IFT43: variants seen among roughly 807,000 people sequenced by gnomAD.
The protein encoded by IFT43 is intraflagellar transport protein 43 homolog.
Under a neutral mutation model 32.3 loss-of-function variants are expected in IFT43, and 33 were observed. The ratio of observed to expected loss-of-function variants is 1.02; its 90% CI spans 0.77 to 1.37. The LOEUF (loss-of-function observed/expected upper bound fraction) is 1.37, where lower values mean the gene tolerates loss of function less well. Ranked by LOEUF, IFT43 falls within the 40% of genes most tolerant of loss-of-function variation. The pLI is 0.00. For synonymous variants in IFT43, 93 were observed against 98.2 expected (o/e 0.95, Z 0.31); for missense variants, 274 against 265.9 (o/e 1.03, Z -0.21).
At chr14:76,016,569 G>T (rs2036192392) in intron 2 of IFT43, among the ~76,000 whole-genome samples, 1 of 151,994 alleles carries the variant, frequency 6.6e-6, no homozygotes, top group Non-Finnish European at 1.5e-5. Context: ...AAATTTTAGG[G>T]TTGTTTTTTC....
intron 2 of IFT43, among the ~76,000 whole-genome samples, chr14:76,018,450 T>C (rs1197912204): frequency 1.3e-5 from 2 of 152,140 alleles, no homozygotes; most frequent in East Asian, 1.9e-4. Context: ...TTTCTTGACA[T>C]TTGTTTTGTG....
chr14:76,036,959 C>G (rs2036612143), intron 3 of IFT43, among the ~76,000 whole-genome samples: 1 of 151,554 alleles, frequency 6.6e-6, no homozygotes, highest in South Asian at 2.1e-4. Context: ...TCCCGATTAG[C>G]TAGGACAGGT....
intron 5 of IFT43, chr14:76,076,502 G>A (rs1485443974): frequency 1.3e-6 from 2 of 1,562,480 alleles, no homozygotes; most frequent in African/African-American, 1.4e-5. Context: ...CTCCCTGCTG[G>A]AGTTAGATTT....
intron 5 of IFT43, among the ~76,000 whole-genome samples, chr14:76,062,551 A>G (rs188778295): frequency 6.6e-6 from 1 of 152,338 alleles, no homozygotes; most frequent in African/African-American, 2.4e-5. Flanking sequence ...AAAATATCAT[A>G]ATCCATAACC....
chr14:75,996,299 C>T (rs1015584145), intron 2 of IFT43, among the ~76,000 whole-genome samples: 2 of 152,114 alleles, frequency 1.3e-5, no homozygotes, highest in Non-Finnish European at 1.5e-5. Flanking sequence ...GTGTGTATCC[C>T]GGGTGTGTTA....
chr14:76,058,956 A>G (rs2037078284), intron 4 of IFT43: 2 of 1,437,476 alleles, frequency 1.4e-6, no homozygotes, highest in African/African-American at 1.4e-5. Flanking sequence ...CATTATTGAT[A>G]TAGATGGGCA....
intron 2 of IFT43, among the ~76,000 whole-genome samples, chr14:75,991,561 C>T (rs931744182): frequency 3.3e-5 from 5 of 151,990 alleles, no homozygotes; most frequent in African/African-American, 1.2e-4. Flanking sequence ...AAATCAGCTC[C>T]TAGGCTGGGG....
intron 2 of IFT43, among the ~76,000 whole-genome samples, chr14:76,017,990 CA>C (rs2036220955): frequency 6.6e-6 from 1 of 151,700 alleles, no homozygotes; most frequent in African/African-American, 2.4e-5. Flanking sequence ...TTTATCTTTT[CA>C]AAAAACTATC....
chr14:76,054,304 A>G (rs17783330), intron 3 of IFT43, among the ~76,000 whole-genome samples: 49,507 of 152,100 alleles, frequency 0.33, 8,093 homozygotes, highest in Admixed American at 0.35. Flanking sequence ...CGTGCCTTCC[A>G]TAAGGAGAGG....
At chr14:76,046,629 CTG>C (rs1297558062) in intron 3 of IFT43, among the ~76,000 whole-genome samples, 1 of 152,224 alleles carries the variant, frequency 6.6e-6, no homozygotes, top group African/African-American at 2.4e-5. Context: ...GCAACAGCCA[CTG>C]TTCACCGAGC....
In IFT43 at chr14:76,024,034, C is replaced by T. The variant is rs140115650; in HGVS notation, c.215+1640C>T. Reference sequence around the variant, plus strand: ...CACTAGAGACAGAAACTAAAAACTACGGGTTCAGGCTGCTAAAAGCCTAAA... The same window carrying T: ...CACTAGAGACAGAAACTAAAAACTATGGGTTCAGGCTGCTAAAAGCCTAAA... On this transcript the variant is annotated intron_variant, in intron 3 of 8. Transcript: ENST00000314067. 4.5e-3 allele frequency among the ~76,000 whole-genome samples: 689 copies of T among 152,232 alleles called. 5 individuals carry two copies. Among genetic ancestry groups the T allele is most frequent in the African/African-American group, 0.013 (552 of 41,548 alleles).
intron 5 of IFT43, among the ~76,000 whole-genome samples, chr14:76,059,783 T>A (rs1026530776): frequency 3.3e-5 from 5 of 152,216 alleles, no homozygotes; most frequent in Non-Finnish European, 7.3e-5. Flanking sequence ...TTAAAGCATT[T>A]TCTCTCACCA....
At chr14:76,011,125 G>T (rs1475789474) in intron 2 of IFT43, among the ~76,000 whole-genome samples, 1 of 151,934 alleles carries the variant, frequency 6.6e-6, no homozygotes, top group Non-Finnish European at 1.5e-5. Context: ...GCCCAGGCTG[G>T]TCTTGAACTT....
At chr14:76,000,890 T>C (rs986712877) in intron 2 of IFT43, among the ~76,000 whole-genome samples, 13 of 152,162 alleles carry the variant, frequency 8.5e-5, no homozygotes, top group African/African-American at 2.9e-4. Flanking sequence ...TTATTTCAAT[T>C]TGGGACATGC....
At chr14:76,002,549 G>A (rs2035908567) in intron 2 of IFT43, among the ~76,000 whole-genome samples, 1 of 152,178 alleles carries the variant, frequency 6.6e-6, no homozygotes, top group Non-Finnish European at 1.5e-5. Context: ...GGCATTTAAA[G>A]GGTCTGGGAA....
chr14:76,031,343 C>A (rs1490263813), intron 3 of IFT43, among the ~76,000 whole-genome samples: 1 of 152,158 alleles, frequency 6.6e-6, no homozygotes, highest in African/African-American at 2.4e-5. Context: ...ATTTGAGAAG[C>A]CACCTTTATC....
intron 5 of IFT43, among the ~76,000 whole-genome samples, chr14:76,066,010 A>G (rs1337960301): frequency 6.6e-6 from 1 of 152,216 alleles, no homozygotes; most frequent in Non-Finnish European, 1.5e-5. Flanking sequence ...GGGTCTGAAT[A>G]TGGACCTTGA....
At chr14:76,004,704 T>C (rs1181474312) in intron 2 of IFT43, among the ~76,000 whole-genome samples, 1 of 152,180 alleles carries the variant, frequency 6.6e-6, no homozygotes, top group East Asian at 1.9e-4. Context: ...TTGTTCTATG[T>C]TTTTTGTTCT....
intron 3 of IFT43, among the ~76,000 whole-genome samples, chr14:76,032,451 G>T (rs2036525453): frequency 6.6e-6 from 1 of 152,094 alleles, no homozygotes; most frequent in Non-Finnish European, 1.5e-5. Context: ...GGCTTACAAG[G>T]TCCTACCTTA....
Sources: allele counts gnomAD v4.1 joint callset (sites outside exome capture counted in the v4.1 genomes callset), GRCh38; gene constraint gnomAD v4.1.1; transcripts MANE v1.5; gene names NCBI Gene and HGNC (gene_info 2026-07-23, HGNC 2026-07-21).